KLHL13: variants seen among roughly 807,000 people sequenced by gnomAD.
KLHL13 encodes the protein kelch like family member 13.
In KLHL13, 10 loss-of-function variants were observed where a neutral mutation model predicts 37.1. The observed-to-expected ratio is 0.27, with a 90% CI of 0.17 to 0.46. KLHL13 has a LOEUF of 0.46. KLHL13 is among the 20% of genes least tolerant of loss of function. The pLI, the probability that KLHL13 is intolerant of heterozygous loss-of-function variation, is 1.00. For synonymous variants in KLHL13, 163 were observed against 181.2 expected (o/e 0.90, Z 0.81); for missense variants, 360 against 509.3 (o/e 0.71, Z 2.82).
intron 1 of KLHL13, among the ~76,000 whole-genome samples, chrX:118,008,137 T>C (rs2054008110): frequency 9.0e-6 from 1 of 111,470 alleles, no homozygotes; most frequent in Admixed American, 9.5e-5. Context: ...TAACCCAAAA[T>C]AGAACATTAC....
intron 1 of KLHL13, among the ~76,000 whole-genome samples, chrX:118,082,613 C>A (rs2055008865): frequency 9.0e-6 from 1 of 111,180 alleles, no homozygotes. Flanking sequence ...TTGATGTAAT[C>A]CCATCTGTCT....
At chrX:117,931,268 A>T (rs773658423) in intron 2 of KLHL13, among the ~76,000 whole-genome samples, 2 of 112,202 alleles carry the variant, frequency 1.8e-5, no homozygotes, top group South Asian at 7.4e-4. Flanking sequence ...AGAAAATATC[A>T]ACTAGAGGCC....
intron 1 of KLHL13, among the ~76,000 whole-genome samples, chrX:117,967,973 A>G (rs763030508): frequency 9.0e-6 from 1 of 111,468 alleles, no homozygotes; most frequent in Non-Finnish European, 1.9e-5. Context: ...GCCCTTTAAG[A>G]CAAGCAGAGA....
At chrX:117,947,955 A>T (rs1245343953) in intron 1 of KLHL13, 3 of 112,379 alleles carry the variant, frequency 2.7e-5, no homozygotes, top group Admixed American at 9.4e-5. Context: ...AAAAAATAAC[A>T]GTTTTTAATC....
At position 118,011,073 on chromosome X, in the gene KLHL13, AAAATAAAT is replaced by A. The variant is rs746728611; in HGVS notation, c.-55-65506_-55-65499del. On this transcript the variant is annotated intron_variant, in intron 1 of 6. Coordinates refer to the KLHL13 transcript ENST00000371882. ...GGGTGACAGAGTGAGACACTGTCTC[AAAATAAAT>A]AAATAAATAAATAAATAAATAAGAA... Among the ~76,000 whole-genome samples the A allele has an allele frequency of 4.5e-3, 489 of 108,363 alleles. 5 individuals are homozygous for A. The highest frequency in any genetic ancestry group is 0.016 in the African/African-American group (464 of 29,640). 94.1% of individuals were successfully genotyped at this position (108,363 alleles called of 115,157 possible). A position where few individuals can be genotyped will look rare whatever the true frequency, so the allele number is the denominator to read the frequency against.
chrX:118,109,555 T>G (rs2055385083), intron 1 of KLHL13, among the ~76,000 whole-genome samples: 1 of 112,426 alleles, frequency 8.9e-6, no homozygotes, highest in South Asian at 3.7e-4. Context: ...TACCAGTTAA[T>G]GTTCTCCTAA....
At chrX:118,087,687 C>G (rs1370702718) in intron 1 of KLHL13, among the ~76,000 whole-genome samples, 2 of 111,123 alleles carry the variant, frequency 1.8e-5, no homozygotes, top group East Asian at 5.6e-4. Flanking sequence ...AAACTTTATC[C>G]AAATCTCTTT....
chrX:117,903,166 AGAGAGAGGAGAGC>A (rs1930226930), intron 5 of KLHL13, among the ~76,000 whole-genome samples: 3 of 100,335 alleles, frequency 3.0e-5, no homozygotes, highest in Non-Finnish European at 5.9e-5. Context: ...ACAGAGAGAG[AGAGAGAGGAGAGC>A]GAGAGAGAGA....
At chrX:117,910,628 C>T (rs1252749705) in intron 4 of KLHL13, among the ~76,000 whole-genome samples, 1 of 111,674 alleles carries the variant, frequency 9.0e-6, no homozygotes, top group Non-Finnish European at 1.9e-5. Context: ...ATTTTGGTTC[C>T]TTCAAAGTTA....
chrX:118,010,789 T>A (rs1294099670), intron 1 of KLHL13, among the ~76,000 whole-genome samples: 1 of 110,991 alleles, frequency 9.0e-6, no homozygotes, highest in Non-Finnish European at 1.9e-5. Flanking sequence ...AAAGGGATAC[T>A]TGGCCACATG....
At chrX:118,115,635 A>T (rs1438617863) in intron 1 of KLHL13, among the ~76,000 whole-genome samples, 1 of 112,475 alleles carries the variant, frequency 8.9e-6, no homozygotes, top group Non-Finnish European at 1.9e-5. Context: ...CATTAAAACG[A>T]TTAACATCCT....
intron 1 of KLHL13, among the ~76,000 whole-genome samples, chrX:118,032,115 T>C (rs2054359879): frequency 9.0e-6 from 1 of 111,400 alleles, no homozygotes; most frequent in Non-Finnish European, 1.9e-5. Flanking sequence ...TCCTGATTGC[T>C]TGCACAGCAG....
chrX:118,093,025 A>C (rs935757224), intron 1 of KLHL13, among the ~76,000 whole-genome samples: 12 of 111,773 alleles, frequency 1.1e-4, no homozygotes, highest in Non-Finnish European at 3.8e-5. Flanking sequence ...TTAAAGGCAA[A>C]GTCATTCATA....
intron 1 of KLHL13, among the ~76,000 whole-genome samples, chrX:117,965,289 G>A (rs2040267017): frequency 1.8e-5 from 2 of 111,997 alleles, no homozygotes; most frequent in Admixed American, 9.5e-5. Context: ...TCTAAGTGGT[G>A]TGAGACAGTA....
At chrX:118,089,585 G>T (rs1341243504) in intron 1 of KLHL13, among the ~76,000 whole-genome samples, 1 of 48,452 alleles carries the variant, frequency 2.1e-5, no homozygotes, top group Non-Finnish European at 3.9e-5. Context: ...GAAAAGAAAA[G>T]AAAAGAGAGA....
Position 118,085,970 on chromosome X carries a change from C to T in KLHL13, c.-56+30538G>A, listed in dbSNP as rs181784183. ...ATTTTTTTTTTGAGACGGAGTTTTG[C>T]TTTGCTGCCCAGGCTGGAGTACAAT... is the stretch of plus-strand genomic sequence containing the variant. On this transcript the variant is annotated intron_variant, in intron 1 of 6. Transcript: ENST00000371882. Among the ~76,000 whole-genome samples, 313 of 110,089 alleles carry T rather than the reference C, an allele frequency of 2.8e-3. 4 individuals carry two copies. Among genetic ancestry groups the T allele is most frequent in the African/African-American group, 9.9e-3 (298 of 30,248 alleles).
Position 118,091,406 on chromosome X carries a change from C to A in KLHL13, c.-56+25102G>T, listed in dbSNP as rs139117760. On this transcript the variant is annotated intron_variant, in intron 1 of 6. Transcript: ENST00000371882. ...TATGAAAACATTTGAAACCAAGAGC[C>A]TCAGCAAAAAAATAAAGTCTCAGTA... 8.1e-3 allele frequency among the ~76,000 whole-genome samples: 895 copies of A among 110,725 alleles called. 12 individuals are homozygous for A. The highest frequency in any genetic ancestry group is 0.027 in the African/African-American group (821 of 30,499).
At chrX:117,965,743 G>C (rs1432621169) in intron 1 of KLHL13, among the ~76,000 whole-genome samples, 1 of 111,635 alleles carries the variant, frequency 9.0e-6, no homozygotes, top group Non-Finnish European at 1.9e-5. Flanking sequence ...TGCAAGGCTG[G>C]TTCAACATAT....
intron 1 of KLHL13, among the ~76,000 whole-genome samples, chrX:117,990,432 C>T (rs2053775048): frequency 8.9e-6 from 1 of 111,830 alleles, no homozygotes; most frequent in Admixed American, 9.5e-5. Flanking sequence ...TTTGTTACCA[C>T]CTAGGCCAGG....
Sources: gnomAD v4.1 joint callset for allele counts (sites outside exome capture counted in the v4.1 genomes callset) on GRCh38, gnomAD v4.1.1 for gene constraint, MANE v1.5 for transcripts, NCBI Gene and HGNC (gene_info 2026-07-23, HGNC 2026-07-21) for gene names.